RAD51B: variants seen among roughly 807,000 people sequenced by gnomAD.
RAD51B encodes DNA repair protein RAD51 homolog 2.
A neutral mutation model predicts 42.2 loss-of-function variants in RAD51B; 38 were observed. The observed-to-expected ratio is 0.90, with a 90% CI of 0.70 to 1.18. The LOEUF is 1.18. RAD51B is among the 50% of genes most tolerant of loss of function. The pLI is 0.00. For synonymous variants in RAD51B, 154 were observed against 145.2 expected (o/e 1.06, Z -0.43); for missense variants, 373 against 400.7 (o/e 0.93, Z 0.59).
intron 8 of RAD51B, among the ~76,000 whole-genome samples, chr14:68,327,369 G>GTTTTTTTTTTTTTTTTTTTTTT (rs113226166): frequency 1.3e-5 from 1 of 77,062 alleles, no homozygotes; most frequent in African/African-American, 4.2e-5. Flanking sequence ...TCTTCAGTTT[G>GTTTTTTTTTTTTTTTTTTTTTT]TTTTTTTTTG....
chr14:68,305,738 A>C (rs2081847167), intron 8 of RAD51B, among the ~76,000 whole-genome samples: 1 of 152,218 alleles, frequency 6.6e-6, no homozygotes, highest in Non-Finnish European at 1.5e-5. Flanking sequence ...CTGTGTCTGC[A>C]GTGCCTGGAT....
chr14:67,830,670 G>A (rs2041005374), intron 3 of RAD51B, among the ~76,000 whole-genome samples: 2 of 152,086 alleles, frequency 1.3e-5, no homozygotes, highest in South Asian at 4.2e-4. Flanking sequence ...AGTGTGCTGG[G>A]ATTACAGATG....
intron 7 of RAD51B, among the ~76,000 whole-genome samples, chr14:68,103,381 A>G (rs912594613): frequency 6.6e-5 from 10 of 152,304 alleles, no homozygotes; most frequent in South Asian, 2.1e-4. Context: ...TACCACTTTG[A>G]GTTTCAGTTT....
At chr14:68,537,092 C>CAAAAAA (rs5809385) in intron 10 of RAD51B, among the ~76,000 whole-genome samples, 1 of 104,732 alleles carries the variant, frequency 9.5e-6, no homozygotes, top group Non-Finnish European at 1.8e-5. Context: ...GGTCCTGTCT[C>CAAAAAA]AAAAAAAAAA....
intron 7 of RAD51B, among the ~76,000 whole-genome samples, chr14:67,947,661 T>C (rs1024587448): frequency 2.6e-5 from 4 of 152,210 alleles, no homozygotes. Flanking sequence ...CTGTTTTGTT[T>C]GAAGCAAATG....
At chr14:68,402,003 G>A (rs533962505) in intron 8 of RAD51B, among the ~76,000 whole-genome samples, 1 of 152,260 alleles carries the variant, frequency 6.6e-6, no homozygotes, top group East Asian at 1.9e-4. Flanking sequence ...GTTGGAACCT[G>A]ACCTATAGAC....
chr14:68,208,607 C>T (rs529944928), intron 7 of RAD51B, among the ~76,000 whole-genome samples: 3 of 152,128 alleles, frequency 2.0e-5, no homozygotes, highest in Non-Finnish European at 4.4e-5. Flanking sequence ...ATGTTAGAAG[C>T]TAGAGAGGAT....
At chr14:68,377,795 T>A in intron 8 of RAD51B, among the ~76,000 whole-genome samples, 1 of 152,238 alleles carries the variant, frequency 6.6e-6, no homozygotes, top group African/African-American at 2.4e-5. Context: ...AGTCACTGTC[T>A]TCACAGGCCC....
chr14:68,639,737 G>A (rs1892416200), intron 10 of RAD51B, among the ~76,000 whole-genome samples: 1 of 152,152 alleles, frequency 6.6e-6, no homozygotes, highest in Non-Finnish European at 1.5e-5. Flanking sequence ...TAAGGCCTGT[G>A]GGAGAGGTGG....
intron 7 of RAD51B, among the ~76,000 whole-genome samples, chr14:68,007,631 G>A (rs73284217): frequency 0.014 from 2,142 of 152,084 alleles, 55 homozygotes; most frequent in African/African-American, 0.05. Flanking sequence ...AGATTTTCAT[G>A]TGCTGATTGG....
chr14:68,199,137 C>G (rs1361557866), intron 7 of RAD51B, among the ~76,000 whole-genome samples: 1 of 152,330 alleles, frequency 6.6e-6, no homozygotes, highest in East Asian at 1.9e-4. Flanking sequence ...TTCTCTTTCT[C>G]TGACTCTTTT....
chr14:67,932,240 G>C lies in RAD51B; in HGVS notation c.756+45036G>C, dbSNP rs532667478. 9.3e-4 allele frequency among the ~76,000 whole-genome samples: 142 copies of C among 152,322 alleles called. 1 individual carries two copies. The highest frequency in any genetic ancestry group is 2.2e-3 in the Admixed American group (34 of 15,302). On this transcript the variant is annotated intron_variant, in intron 7 of 10. Transcript: ENST00000471583. ...TTTCTTTCATAGGAGATGTATCAATGGTGCTAGTTGGGTGGGCTCTTTGGC... is the reference window on the plus strand; with the variant it reads ...TTTCTTTCATAGGAGATGTATCAATCGTGCTAGTTGGGTGGGCTCTTTGGC...
chr14:68,586,056 C>G (rs1890453922), intron 10 of RAD51B, among the ~76,000 whole-genome samples: 3 of 151,600 alleles, frequency 2.0e-5, no homozygotes, highest in Admixed American at 2.0e-4. Flanking sequence ...ATCAGTCTTC[C>G]TGCAGCCCTC....
chr14:68,555,146 A>C (rs1888772109), intron 10 of RAD51B, among the ~76,000 whole-genome samples: 1 of 152,146 alleles, frequency 6.6e-6, no homozygotes. Flanking sequence ...GTGCCCGGCC[A>C]AAAAAATATT....
At chr14:68,587,822 A>G (rs1890563257) in intron 10 of RAD51B, among the ~76,000 whole-genome samples, 1 of 152,350 alleles carries the variant, frequency 6.6e-6, no homozygotes, top group South Asian at 2.1e-4. Context: ...ACTGGGCTGC[A>G]CAGTGTGGCT....
At chr14:68,179,449 A>G (rs1010957354) in intron 7 of RAD51B, among the ~76,000 whole-genome samples, 4 of 152,150 alleles carry the variant, frequency 2.6e-5, no homozygotes, top group African/African-American at 9.7e-5. Flanking sequence ...ATACAAATGT[A>G]TTTGTTGTTT....
intron 7 of RAD51B, among the ~76,000 whole-genome samples, chr14:68,098,502 G>A (rs1420987364): frequency 1.3e-5 from 2 of 152,214 alleles, no homozygotes; most frequent in Non-Finnish European, 2.9e-5. Flanking sequence ...CATGGCTCGG[G>A]AGGCCTAAGA....
intron 7 of RAD51B, among the ~76,000 whole-genome samples, chr14:67,961,397 TAAGA>T (rs1359617418): frequency 6.6e-6 from 1 of 152,210 alleles, no homozygotes; most frequent in Non-Finnish European, 1.5e-5. Context: ...AATTGGTCAC[TAAGA>T]AAGTAGGAGA....
chr14:68,348,488 A>C lies in RAD51B; in HGVS notation c.853+56508A>C, dbSNP rs534657455. Reference sequence around the variant, plus strand: ...GTTTATGCAAGACTTGATGGTTTGAAATAAAATTGGCTAAATGGATTCTAG... The same window carrying C: ...GTTTATGCAAGACTTGATGGTTTGACATAAAATTGGCTAAATGGATTCTAG... On this transcript the variant is annotated intron_variant, in intron 8 of 10. Transcript: ENST00000471583. 2.0e-5 allele frequency among the ~76,000 whole-genome samples: 3 copies of C among 152,384 alleles called. No individual in the cohort carries two copies. In the South Asian group the frequency reaches 6.2e-4, roughly 32 times the overall value.
Sources: allele counts gnomAD v4.1 joint callset (sites outside exome capture counted in the v4.1 genomes callset), GRCh38; gene constraint gnomAD v4.1.1; transcripts MANE v1.5; gene names NCBI Gene and HGNC (gene_info 2026-07-23, HGNC 2026-07-21).